The following TBX19 variants were observed in gnomAD, a reference collection of about 807,000 sequenced individuals.
TBX19 encodes the protein T-box transcription factor TBX19.
TBX19 carries 33 observed loss-of-function variants against 40.9 expected under a neutral mutation model. That is an observed-to-expected ratio of 0.81 (90% CI 0.61 to 1.08). TBX19 has a LOEUF of 1.08. TBX19 is among the 50% of genes least tolerant of loss of function. The pLI is 0.00. For synonymous variants in TBX19, 220 were observed against 225.0 expected (o/e 0.98, Z 0.20); for missense variants, 494 against 574.0 (o/e 0.86, Z 1.42).
In TBX19 at chr1:168,305,454, G is replaced by C. The variant is rs76297074; in HGVS notation, c.916+258G>C. ...CCCAGTCTCCTGGTTTCTAATGAGC[G>C]TGAAAGGCCAGGACACTGATATTCT... On this transcript the variant is annotated intron_variant, in intron 6 of 7. Transcript: ENST00000367821. Among the ~76,000 whole-genome samples the C allele has an allele frequency of 9.2e-5, 14 of 152,218 alleles. No homozygotes were observed. The East Asian group carries it at 2.7e-3, about 29-fold the overall frequency.
At chr1:168,292,285 G>A (rs570053053) in intron 2 of TBX19, among the ~76,000 whole-genome samples, 1 of 152,286 alleles carries the variant, frequency 6.6e-6, no homozygotes, top group Non-Finnish European at 1.5e-5. Flanking sequence ...ATTAAAACGG[G>A]AAATTGAACA....
At chr1:168,292,631 G>A (rs1240371120) in intron 2 of TBX19, among the ~76,000 whole-genome samples, 6 of 152,182 alleles carry the variant, frequency 3.9e-5, no homozygotes, top group Non-Finnish European at 8.8e-5. Context: ...TTGGGAGGCC[G>A]AAGTGGGCGG....
chr1:168,311,884 A>T (rs938875989), intron 7 of TBX19, among the ~76,000 whole-genome samples: 1 of 152,192 alleles, frequency 6.6e-6, no homozygotes, highest in Non-Finnish European at 1.5e-5. Context: ...AGATCAGTTC[A>T]ATCAGAATCT....
intron 5 of TBX19, among the ~76,000 whole-genome samples, chr1:168,303,555 A>G (rs1434927665): frequency 1.3e-5 from 2 of 152,230 alleles, no homozygotes; most frequent in Non-Finnish European, 2.9e-5. Flanking sequence ...TGCAAGAAAG[A>G]ATTCAGGGCA....
intron 7 of TBX19, among the ~76,000 whole-genome samples, chr1:168,311,516 A>C (rs767171993): frequency 2.4e-4 from 36 of 152,198 alleles, no homozygotes; most frequent in Non-Finnish European, 4.4e-4. Context: ...TGAAGGTTTC[A>C]TATGGTCCAA....
intron 4 of TBX19, among the ~76,000 whole-genome samples, chr1:168,299,249 A>G (rs1649219062): frequency 6.6e-6 from 1 of 152,088 alleles, no homozygotes; most frequent in Non-Finnish European, 1.5e-5. Context: ...AGGAAAAAGA[A>G]GATGATGGTG....
chr1:168,297,828 A>G (rs750098406), intron 4 of TBX19, 43 bp downstream of exon 4: 2 of 1,475,920 alleles, frequency 1.4e-6, no homozygotes, highest in Non-Finnish European at 1.9e-6. Flanking sequence ...TGAATGATTT[A>G]TGCAAATACA....
chr1:168,292,806 G>A, intron 2 of TBX19, among the ~76,000 whole-genome samples: 1 of 148,648 alleles, frequency 6.7e-6, no homozygotes, highest in East Asian at 2.0e-4. Context: ...GGAGCTTGCA[G>A]TGAGCTGAGA....
intron 1 of TBX19, among the ~76,000 whole-genome samples, chr1:168,283,602 T>C (rs1223885891): frequency 6.6e-6 from 1 of 152,214 alleles, no homozygotes; most frequent in African/African-American, 2.4e-5. Flanking sequence ...TATTTATTCC[T>C]CTATGCCTCC....
intron 7 of TBX19, among the ~76,000 whole-genome samples, chr1:168,310,162 C>T (rs1278194864): frequency 1.3e-5 from 2 of 151,874 alleles, no homozygotes; most frequent in African/African-American, 2.4e-5. Context: ...ATTAGCCAGG[C>T]GTGGTGGTGC....
rs1649150256 is a variant in TBX19 at position 168,297,786 on chromosome 1, G to A, written c.665+1G>A. On this transcript the variant is annotated splice_donor_variant, in intron 4 of 7. Coordinates refer to ENST00000367821, the MANE Select transcript of TBX19 (RefSeq NM_005149.3). LOFTEE classifies it high-confidence loss of function. ...AAGCCTTCTTGGATGCCAAGGAAAG[G>A]TAAGTAAAGAAATTTTAGTGAAATC... is the stretch of plus-strand genomic sequence containing the variant. The A allele has an allele frequency of 6.2e-7, 1 of 1,612,470 alleles. No individual in the cohort carries two copies. Among genetic ancestry groups the A allele is most frequent in the Admixed American group, 1.7e-5 (1 of 59,994 alleles).
intron 1 of TBX19, among the ~76,000 whole-genome samples, chr1:168,288,797 A>G (rs550789941): frequency 2.6e-5 from 4 of 151,524 alleles, no homozygotes; most frequent in African/African-American, 7.3e-5. Flanking sequence ...GTCTCACTCT[A>G]TCACCCAGCC....
rs111834079 is a variant in TBX19 at position 168,285,775 on chromosome 1, T to C, written c.203+4482T>C. Among the ~76,000 whole-genome samples the C allele has an allele frequency of 4.7e-3, 709 of 152,256 alleles. 5 individuals carry two copies. Among genetic ancestry groups the C allele is most frequent in the African/African-American group, 0.016 (670 of 41,544 alleles). ...ATGTTAGCTACATCTAGGAAAAAAA[T>C]GGGGAAAAAAATCACCTTGATTGGA... On this transcript the variant is annotated intron_variant, in intron 1 of 7. Coordinates refer to ENST00000367821, the MANE Select transcript of TBX19 (RefSeq NM_005149.3).
At chr1:168,297,385 A>G (rs1327582074) in intron 3 of TBX19, among the ~76,000 whole-genome samples, 1 of 152,244 alleles carries the variant, frequency 6.6e-6, no homozygotes, top group Non-Finnish European at 1.5e-5. Context: ...ATACATGAGT[A>G]AAAAAATGAA....
intron 2 of TBX19, among the ~76,000 whole-genome samples, chr1:168,292,604 C>T (rs1648968945): frequency 1.3e-5 from 2 of 152,186 alleles, no homozygotes; most frequent in East Asian, 3.9e-4. Flanking sequence ...GTGGCTCGCG[C>T]CTGTAATCCC....
At position 168,292,833 on chromosome 1, in the gene TBX19, C is replaced by T. The variant is rs377343745; in HGVS notation, c.469-311C>T. Among the ~76,000 whole-genome samples, 700 of 140,306 alleles carry T rather than the reference C, an allele frequency of 5.0e-3. 15 individuals carry two copies. The highest frequency in any genetic ancestry group is 0.041 in the Admixed American group (539 of 13,006). 92.0% of individuals were successfully genotyped at this position (140,306 alleles called of 152,430 possible). On this transcript the variant is annotated intron_variant, in intron 2 of 7. Coordinates refer to ENST00000367821, the MANE Select transcript of TBX19 (RefSeq NM_005149.3). ...GAGCTGAGATAGCGCCACTGCACTC[C>T]AGCCTGGGTGACAGAGCGAGACTCC... is the stretch of plus-strand genomic sequence containing the variant.
At chr1:168,298,205 A>C (rs1407102412) in intron 4 of TBX19, among the ~76,000 whole-genome samples, 4 of 152,254 alleles carry the variant, frequency 2.6e-5, no homozygotes. Flanking sequence ...CAGAAAAAAA[A>C]GAAATAGGCT....
rs755460511 is a variant in TBX19 at position 168,291,355 on chromosome 1, C to G, written c.399C>G (p.Ala133=). ...YIHPDSPNFG[A]HWMKAPISFS... ...ACCCGGACTCCCCCAACTTTGGGGCCCACTGGATGAAAGCTCCCATCTCCT... is the reference window on the plus strand; with the variant it reads ...ACCCGGACTCCCCCAACTTTGGGGCGCACTGGATGAAAGCTCCCATCTCCT... Residue 133 remains alanine (A), a synonymous_variant, in exon 2 of 8, where the codon GCC becomes GCG. Coordinates refer to ENST00000367821, the MANE Select transcript of TBX19 (RefSeq NM_005149.3). The G allele has an allele frequency of 2.1e-5, 34 of 1,614,062 alleles. No individual in the cohort carries two copies. Among genetic ancestry groups the G allele is most frequent in the Non-Finnish European group, 2.9e-5 (34 of 1,180,046 alleles).
chr1:168,306,262 A>G (rs537243554), intron 6 of TBX19, among the ~76,000 whole-genome samples: 1 of 152,326 alleles, frequency 6.6e-6, no homozygotes, highest in South Asian at 2.1e-4. Context: ...TGCGGTCAGC[A>G]TCAAATCACA....
Sources: gnomAD v4.1 joint callset for allele counts (sites outside exome capture counted in the v4.1 genomes callset) on GRCh38, gnomAD v4.1.1 for gene constraint, MANE v1.5 for transcripts, NCBI Gene and HGNC (gene_info 2026-07-23, HGNC 2026-07-21) for gene names.